Variants in CNTNAP4 observed in about 807,000 individuals in gnomAD.
CNTNAP4 encodes contactin associated protein family member 4, also known as contactin-associated protein-like 4.
In CNTNAP4, 98 loss-of-function variants were observed where a neutral mutation model predicts 148.4. That is an observed-to-expected ratio of 0.66 (90% CI 0.56 to 0.78). The LOEUF (loss-of-function observed/expected upper bound fraction) is 0.78, where lower values mean the gene tolerates loss of function less well. CNTNAP4 is among the 30% of genes least tolerant of loss of function. The pLI is 0.00. For synonymous variants in CNTNAP4, 730 were observed against 565.1 expected, an observed-to-expected ratio of 1.29 and a Z score of -4.14; for missense variants, 1,935 against 1,565.6, an observed-to-expected ratio of 1.24 and a Z score of -3.98.
At chr16:76,341,668 A>T (rs1238425733) in intron 2 of CNTNAP4, among the ~76,000 whole-genome samples, 2 of 152,188 alleles carry the variant, frequency 1.3e-5, no homozygotes, top group Non-Finnish European at 2.9e-5. Flanking sequence ...TATGGGAGGC[A>T]TTCAGGATTT....
intron 11 of CNTNAP4, among the ~76,000 whole-genome samples, chr16:76,479,198 T>TA (rs1165391580): frequency 6.6e-6 from 1 of 152,218 alleles, no homozygotes; most frequent in Non-Finnish European, 1.5e-5. Context: ...CTTTAGTGAT[T>TA]AAAAAAAGTC....
At chr16:76,494,878 C>T in intron 13 of CNTNAP4, 32 bp from the exon 14 acceptor site, 1 of 1,605,464 alleles carries the variant, frequency 6.2e-7, no homozygotes, top group Non-Finnish European at 8.5e-7. Flanking sequence ...GAACATAAAA[C>T]AGATGTCACA....
At position 76,421,474 on chromosome 16, in the gene CNTNAP4, CAT is replaced by C. The variant is rs536391716; in HGVS notation, c.391-5975_391-5974del. Among the ~76,000 whole-genome samples the C allele has an allele frequency of 5.5e-4, 83 of 152,126 alleles. 1 individual carries two copies. The highest frequency in any genetic ancestry group is 1.9e-3 in the African/African-American group (77 of 41,530). The stretch of plus-strand genomic sequence containing the variant: ...GATACAGTCCTGATGTCTTGTTCAA[CAT>C]ATGTTTAAAAGTTACTCTCATCTGG... On this transcript the variant is annotated intron_variant, in intron 3 of 23. Transcript: ENST00000611870.
chr16:76,300,601 T>A (rs78408426), intron 1 of CNTNAP4, among the ~76,000 whole-genome samples: 3,718 of 152,298 alleles, frequency 0.024, 154 homozygotes, highest in African/African-American at 0.084. Context: ...ATGAGACCAA[T>A]GTCATCAGCA....
chr16:76,347,152 T>C (rs1316397648), intron 2 of CNTNAP4, among the ~76,000 whole-genome samples: 1 of 151,924 alleles, frequency 6.6e-6, no homozygotes, highest in Non-Finnish European at 1.5e-5. Flanking sequence ...TGTGTGTGTG[T>C]GTGTGTGTGT....
intron 2 of CNTNAP4, among the ~76,000 whole-genome samples, chr16:76,354,563 T>C (rs1191033724): frequency 6.6e-6 from 1 of 152,158 alleles, no homozygotes; most frequent in Non-Finnish European, 1.5e-5. Context: ...AGGTGCTTAT[T>C]TGCAGAGTTT....
At chr16:76,464,420 A>G (rs1446841152) in intron 9 of CNTNAP4, among the ~76,000 whole-genome samples, 1 of 152,094 alleles carries the variant, frequency 6.6e-6, no homozygotes, top group Non-Finnish European at 1.5e-5. Context: ...TCATCCTGGG[A>G]ACAACCTCCT....
At chr16:76,299,267 T>A (rs1175977691) in intron 1 of CNTNAP4, among the ~76,000 whole-genome samples, 1 of 151,936 alleles carries the variant, frequency 6.6e-6, no homozygotes, top group Non-Finnish European at 1.5e-5. Flanking sequence ...AGGGCTAATA[T>A]CCAGAATCTA....
chr16:76,392,625 T>C (rs2078066678), intron 3 of CNTNAP4, among the ~76,000 whole-genome samples: 1 of 152,226 alleles, frequency 6.6e-6, no homozygotes, highest in Non-Finnish European at 1.5e-5. Context: ...TAGTGAACAC[T>C]AGCAGGTCTG....
chr16:76,390,000 T>A (rs1211582292), intron 3 of CNTNAP4, among the ~76,000 whole-genome samples: 2 of 152,096 alleles, frequency 1.3e-5, no homozygotes, highest in Admixed American at 6.6e-5. Context: ...GTTAATAAGG[T>A]TTGCAATTTG....
chr16:76,453,427 A>G (rs969572141), intron 8 of CNTNAP4, among the ~76,000 whole-genome samples: 2 of 152,186 alleles, frequency 1.3e-5, no homozygotes, highest in Admixed American at 1.3e-4. Flanking sequence ...TGTCTAATTT[A>G]GGCCAGTGCG....
At chr16:76,551,137 C>A (rs369184969) in intron 21 of CNTNAP4, among the ~76,000 whole-genome samples, 1 of 152,148 alleles carries the variant, frequency 6.6e-6, no homozygotes, top group South Asian at 2.1e-4. Context: ...TGGCCAGGTG[C>A]GGTGGTTCAT....
Position 76,293,537 on chromosome 16 carries a change from A to C in CNTNAP4, c.85+15790A>C, listed in dbSNP as rs549231322. On this transcript the variant is annotated intron_variant, in intron 1 of 23. Coordinates refer to ENST00000611870, the MANE Select transcript of CNTNAP4 (RefSeq NM_033401.5). ...GGTTTACACAAGTAACAAAATATTA[A>C]GGGAAAGTGATTTCAGAGGGAATTA... Among the ~76,000 whole-genome samples the C allele has an allele frequency of 4.8e-4, 73 of 152,300 alleles. 1 individual carries two copies. The highest frequency in any genetic ancestry group is 1.0e-3 in the Non-Finnish European group (68 of 68,018).
At chr16:76,331,404 G>T (rs775296831) in intron 2 of CNTNAP4, among the ~76,000 whole-genome samples, 6 of 151,688 alleles carry the variant, frequency 4.0e-5, no homozygotes, top group Non-Finnish European at 7.4e-5. Flanking sequence ...TAGCCAGGAT[G>T]GTCTCGATCT....
Position 76,538,254 on chromosome 16 carries a change from G to T in CNTNAP4, c.3134G>T (p.Ser1045Ile). The T allele has an allele frequency of 6.2e-7, 1 of 1,610,960 alleles. No individual in the cohort carries two copies. Among genetic ancestry groups the T allele is most frequent in the Admixed American group, 1.7e-5 (1 of 59,064 alleles). Residue 1045 changes from serine to isoleucine, a missense_variant, in exon 19 of 24, where the codon AGT becomes ATT. Ser to Ile is a moderately radical substitution (Grantham distance 142). Coordinates refer to ENST00000611870, the MANE Select transcript of CNTNAP4 (RefSeq NM_033401.5). ...CTGAGCAGAGAAATGATCAAATTTA[G>T]TTTCCGAACAACACGAACACCAAGC... ...MKLSREMIKF[S>I]FRTTRTPSLL...
At chr16:76,424,368 G>A (rs1258913825) in intron 3 of CNTNAP4, among the ~76,000 whole-genome samples, 1 of 152,138 alleles carries the variant, frequency 6.6e-6, no homozygotes, top group Non-Finnish European at 1.5e-5. Flanking sequence ...TAGTCTGCCA[G>A]TGGCACCTAG....
chr16:76,489,886 A>G lies in CNTNAP4; in HGVS notation c.2080+3A>G, dbSNP rs948115028. The G allele has an allele frequency of 4.0e-5, 62 of 1,539,654 alleles. No homozygotes were observed. The East Asian group carries it at 1.4e-3, about 36-fold the overall frequency. On this transcript the variant is annotated splice_donor_region_variant and intron_variant, in intron 13 of 23. Transcript: ENST00000611870. ...GTCACGGCTGGTCAATAAGCAAGGTAAGTAAACCATGGTGTCTGTCTTGTT... is the reference window on the plus strand; with the variant it reads ...GTCACGGCTGGTCAATAAGCAAGGTGAGTAAACCATGGTGTCTGTCTTGTT...
Position 76,452,648 on chromosome 16 carries a change from A to G in CNTNAP4, c.1212A>G (p.Ala404=), listed in dbSNP as rs763011352. Residue 404 remains alanine (A), a synonymous_variant, in exon 8 of 24, where the codon GCA becomes GCG. Coordinates refer to ENST00000611870, the MANE Select transcript of CNTNAP4 (RefSeq NM_033401.5). ...ATFQFRTWNK[A]GLLLFSELQL... ...TTCAATTTCGAACTTGGAATAAGGCAGGGCTTCTGCTGTTCAGTGAACTTC... is the reference window on the plus strand; with the variant it reads ...TTCAATTTCGAACTTGGAATAAGGCGGGGCTTCTGCTGTTCAGTGAACTTC... The G allele has an allele frequency of 9.3e-6, 15 of 1,613,890 alleles. No homozygotes were observed. The highest frequency in any genetic ancestry group is 1.3e-5 in the Non-Finnish European group (15 of 1,179,898).
intron 2 of CNTNAP4, among the ~76,000 whole-genome samples, chr16:76,338,947 T>C (rs187852362): frequency 6.6e-6 from 1 of 152,316 alleles, no homozygotes. Flanking sequence ...ATTCCCAGCA[T>C]TTCTTTTGAT....
Sources: allele counts gnomAD v4.1 joint callset (sites outside exome capture counted in the v4.1 genomes callset), GRCh38; gene constraint gnomAD v4.1.1; transcripts MANE v1.5; gene names NCBI Gene and HGNC (gene_info 2026-07-23, HGNC 2026-07-21).